Variants in ATP2B2 observed in about 807,000 individuals in gnomAD.
ATP2B2 encodes the protein ATPase plasma membrane Ca2+ transporting 2.
ATP2B2 carries 15 observed loss-of-function variants against 120.0 expected under a neutral mutation model. The observed-to-expected ratio is 0.12, with a 90% CI of 0.08 to 0.19. The LOEUF (loss-of-function observed/expected upper bound fraction) is 0.19, where lower values mean the gene tolerates loss of function less well. Ranked by LOEUF, ATP2B2 falls within the 10% of genes least tolerant of loss-of-function variation. The pLI, the probability that ATP2B2 is intolerant of heterozygous loss-of-function variation, is 1.00. For synonymous variants in ATP2B2, 694 were observed against 700.3 expected (o/e 0.99, Z 0.14); for missense variants, 1,045 against 1,719.8 (o/e 0.61, Z 6.94).
At chr3:10,370,774 G>C (rs2061214406) in intron 12 of ATP2B2, among the ~76,000 whole-genome samples, 1 of 152,192 alleles carries the variant, frequency 6.6e-6, no homozygotes, top group Non-Finnish European at 1.5e-5. Context: ...AGCACATTGG[G>C]AGGGTAAACA....
chr3:10,557,055 C>A (rs1449450855), intron 2 of ATP2B2, among the ~76,000 whole-genome samples: 1 of 152,180 alleles, frequency 6.6e-6, no homozygotes, highest in Non-Finnish European at 1.5e-5. Flanking sequence ...GACTGTCCTG[C>A]CATGAGTCAC....
In ATP2B2 at chr3:10,585,493, GAAA is replaced by G. The variant is rs60670471; in HGVS notation, c.-415+34421_-415+34423del. On this transcript the variant is annotated intron_variant, in intron 2 of 21. Coordinates refer to the ATP2B2 transcript ENST00000646379. ...TGGGCGACAGAGCGAGACTCCGTCT[GAAA>G]AAAAAAAAAAAAAAAAAAAAAGATC... Among the ~76,000 whole-genome samples the G allele has an allele frequency of 3.6e-3, 102 of 28,506 alleles. 1 individual carries two copies. Among genetic ancestry groups the G allele is most frequent in the African/African-American group, 0.015 (91 of 6,082 alleles). The allele number at this position is 28,506 out of a possible 152,430, so 18.7% of individuals were successfully genotyped here.
intron 1 of ATP2B2, among the ~76,000 whole-genome samples, chr3:10,629,295 T>G (rs1379362205): frequency 6.6e-6 from 1 of 152,216 alleles, no homozygotes; most frequent in Admixed American, 6.5e-5. Context: ...ATTTTCCACC[T>G]CTGCACACGT....
chr3:10,579,178 G>A (rs533522103), intron 2 of ATP2B2, among the ~76,000 whole-genome samples: 1 of 152,330 alleles, frequency 6.6e-6, no homozygotes, highest in South Asian at 2.1e-4. Flanking sequence ...CATAGTGGAT[G>A]CTCAACCAAC....
intron 2 of ATP2B2, chr3:10,566,443 T>C (rs1330590993): frequency 1.3e-5 from 2 of 152,134 alleles, no homozygotes; most frequent in Admixed American, 6.5e-5. Context: ...CCAATACACA[T>C]AATTTCAAAA....
chr3:10,392,427 C>T (rs1051025326), intron 5 of ATP2B2, among the ~76,000 whole-genome samples: 20 of 152,164 alleles, frequency 1.3e-4, no homozygotes, highest in Non-Finnish European at 7.3e-5. Flanking sequence ...TTCCCTAGAC[C>T]GTTCCCCTTC....
At chr3:10,405,434 G>A (rs1375349796) in intron 3 of ATP2B2, among the ~76,000 whole-genome samples, 4 of 152,186 alleles carry the variant, frequency 2.6e-5, no homozygotes, top group African/African-American at 9.7e-5. Context: ...ACTAGAAAGT[G>A]GGAGTGCAGA....
rs1217321797 is a variant in ATP2B2, at chr3:10,486,982, C to T, written c.-320+18483G>A. ...ACCTCAAGTGATCTGCCTGCCTTGG[C>T]CTCCCAAAGTGCTGGGATTACAGGC... On this transcript the variant is annotated intron_variant, in intron 1 of 22. Transcript: ENST00000360273. Among the ~76,000 whole-genome samples the T allele has an allele frequency of 7.9e-5, 12 of 152,240 alleles. No homozygotes were observed. In the South Asian group the frequency reaches 8.3e-4, roughly 11 times the overall value.
rs974279715 is a variant in ATP2B2 at position 10,593,544 on chromosome 3, A to C, written c.-415+26373T>G. 7.2e-5 allele frequency among the ~76,000 whole-genome samples: 11 copies of C among 152,168 alleles called. No homozygotes were observed. The East Asian group carries it at 7.7e-4, about 11-fold the overall frequency. ...AGCTGAAACTGGATCCCTTCCTTAC[A>C]CCTTATACAAAAATTAATTCAAGAT... is the stretch of plus-strand genomic sequence containing the variant. On this transcript the variant is annotated intron_variant, in intron 2 of 21. Transcript: ENST00000646379.
At chr3:10,371,734 C>T (rs2125504403) in intron 12 of ATP2B2, 75 bp downstream of exon 12, 3 of 1,609,272 alleles carry the variant, frequency 1.9e-6, no homozygotes, top group South Asian at 1.1e-5. Flanking sequence ...AATCACATTG[C>T]TCAACCTGCC....
chr3:10,411,088 T>G (rs372405574), intron 2 of ATP2B2, among the ~76,000 whole-genome samples: 8 of 152,268 alleles, frequency 5.3e-5, no homozygotes, highest in Non-Finnish European at 1.2e-4. Context: ...AATAGTCCTG[T>G]TGTTGTACTT....
chr3:10,506,603 T>C (rs2066635386), upstream of ATP2B2, among the ~76,000 whole-genome samples: 1 of 152,160 alleles, frequency 6.6e-6, no homozygotes, highest in African/African-American at 2.4e-5. Context: ...GAGGGGCTTC[T>C]CTAGAATTCT....
chr3:10,365,123 G>T (rs1030040320), intron 12 of ATP2B2, among the ~76,000 whole-genome samples: 1 of 152,232 alleles, frequency 6.6e-6, no homozygotes, highest in Admixed American at 6.5e-5. Context: ...GGTCTACTTG[G>T]CTAGGAGCCG....
At position 10,683,746 on chromosome 3, in the gene ATP2B2, A is replaced by ATTGTG. The variant is rs1408104149; in HGVS notation, c.-460+24168_-460+24169insCACAA. On this transcript the variant is annotated intron_variant, in intron 1 of 21. Coordinates refer to the ATP2B2 transcript ENST00000646379. Reference sequence around the variant, plus strand: ...TGTGTGTGTATATATATGTGTATATATATGTGTGTGTGTGTATATATATAT... The same window carrying ATTGTG: ...TGTGTGTGTATATATATGTGTATATATTGTGTATGTGTGTGTGTGTATATATATAT... 1.6e-3 allele frequency among the ~76,000 whole-genome samples: 67 copies of ATTGTG among 40,832 alleles called. 2 individuals are homozygous for ATTGTG. Among genetic ancestry groups the ATTGTG allele is most frequent in the South Asian group, 0.011 (9 of 822 alleles). 26.8% of individuals were successfully genotyped at this position (40,832 alleles called of 152,430 possible). A position where few individuals can be genotyped will look rare whatever the true frequency, so the allele number is the denominator to read the frequency against.
intron 22 of ATP2B2, among the ~76,000 whole-genome samples, chr3:10,333,863 C>T (rs2060046517): frequency 6.6e-6 from 1 of 152,192 alleles, no homozygotes; most frequent in African/African-American, 2.4e-5. Context: ...GCCTGGGCTT[C>T]TTTTCCAAGA....
At chr3:10,666,047 T>C (rs1390002569) in intron 1 of ATP2B2, among the ~76,000 whole-genome samples, 3 of 152,212 alleles carry the variant, frequency 2.0e-5, no homozygotes, top group Non-Finnish European at 2.9e-5. Flanking sequence ...TTAAAAAGTC[T>C]GTGGCGCCAC....
upstream of ATP2B2, among the ~76,000 whole-genome samples, chr3:10,507,271 G>A (rs4684701): frequency 0.026 from 3,961 of 152,246 alleles, 72 homozygotes; most frequent in African/African-American, 0.042. Context: ...CAAGACTGGG[G>A]GCTTCCAAAG....
chr3:10,377,632 CG>C (rs1411174594), intron 10 of ATP2B2, among the ~76,000 whole-genome samples: 1 of 152,198 alleles, frequency 6.6e-6, no homozygotes, highest in Non-Finnish European at 1.5e-5. Context: ...GTTTGTTGTG[CG>C]GGGGCTCAGA....
rs557119391 is a variant in ATP2B2 at position 10,693,012 on chromosome 3, C to T, written c.-460+14903G>A. ...TACATCAGGGGCTGGGGCCTGGGGG[C>T]AGATAGAAGATGTATGAATGTCCAT... On this transcript the variant is annotated intron_variant, in intron 1 of 21. Transcript: ENST00000646379. Among the ~76,000 whole-genome samples, 275 of 152,120 alleles carry T rather than the reference C, an allele frequency of 1.8e-3. 1 individual carries two copies. Among genetic ancestry groups the T allele is most frequent in the African/African-American group, 6.5e-3 (269 of 41,496 alleles).
Sources: gnomAD v4.1 joint callset for allele counts (sites outside exome capture counted in the v4.1 genomes callset) on GRCh38, gnomAD v4.1.1 for gene constraint, MANE v1.5 for transcripts, NCBI Gene and HGNC (gene_info 2026-07-23, HGNC 2026-07-21) for gene names.